LINGO1: variants seen among roughly 807,000 people sequenced by gnomAD.
LINGO1 encodes the protein leucine rich repeat and Ig domain containing 1.
In LINGO1, 11 loss-of-function variants were observed where a neutral mutation model predicts 37.3. The ratio of observed to expected loss-of-function variants is 0.29; its 90% CI spans 0.19 to 0.49. The LOEUF (loss-of-function observed/expected upper bound fraction) is 0.49. Ranked by LOEUF, LINGO1 falls within the 20% of genes least tolerant of loss-of-function variation. The pLI, the probability that LINGO1 is intolerant of heterozygous loss-of-function variation, is 0.99. For synonymous variants in LINGO1, 387 were observed against 403.0 expected (o/e 0.96, Z 0.48); for missense variants, 585 against 878.2 (o/e 0.67, Z 4.22).
rs138141449 is a variant in LINGO1, at chr15:77,694,259, C to T, written c.-281+2132G>A. On this transcript the variant is annotated intron_variant, in intron 1 of 3. Transcript: ENST00000559893. Reference sequence around the variant, plus strand: ...TTAGGACTTCACAGATCACAGAACGCTCCCACCGATTCTCTACCTGGATCT... The same window carrying T: ...TTAGGACTTCACAGATCACAGAACGTTCCCACCGATTCTCTACCTGGATCT... Among the ~76,000 whole-genome samples the T allele has an allele frequency of 9.2e-5, 14 of 152,142 alleles. No individual in the cohort carries two copies. The East Asian group carries it at 2.5e-3, about 27-fold the overall frequency.
intron 2 of LINGO1, among the ~76,000 whole-genome samples, chr15:77,689,828 C>G (rs756852996): frequency 6.6e-6 from 1 of 152,068 alleles, no homozygotes; most frequent in African/African-American, 2.4e-5. Context: ...AAAAAAGAAA[C>G]AAACAAAAAA....
intron 1 of LINGO1, among the ~76,000 whole-genome samples, chr15:77,750,084 G>A (rs918542936): frequency 6.6e-6 from 1 of 152,024 alleles, no homozygotes; most frequent in African/African-American, 2.4e-5. Flanking sequence ...ACCCACCCCT[G>A]GGGCTGAGTG....
chr15:77,641,031 A>G (rs533540824), intron 3 of LINGO1, among the ~76,000 whole-genome samples: 24 of 152,314 alleles, frequency 1.6e-4, no homozygotes, highest in African/African-American at 4.8e-4. Context: ...CTGAGCTGAA[A>G]TCAAAGGATG....
At chr15:77,710,369 C>T (rs920475237) in intron 2 of LINGO1, among the ~76,000 whole-genome samples, 4 of 152,238 alleles carry the variant, frequency 2.6e-5, no homozygotes, top group Admixed American at 6.5e-5. Flanking sequence ...TTGAAGTCAC[C>T]TGGTGGGACT....
At chr15:77,713,848 C>T (rs955614678) in intron 2 of LINGO1, among the ~76,000 whole-genome samples, 2 of 152,116 alleles carry the variant, frequency 1.3e-5, no homozygotes, top group African/African-American at 4.8e-5. Context: ...CCTCGCACCC[C>T]CTAGGTGTGC....
chr15:77,810,219 C>T (rs1057421349), intron 1 of LINGO1, among the ~76,000 whole-genome samples: 2 of 146,824 alleles, frequency 1.4e-5, no homozygotes, highest in Non-Finnish European at 3.0e-5. Flanking sequence ...TAGGCACACA[C>T]ACAAACATAC....
chr15:77,817,494 G>A (rs2077058042), intron 1 of LINGO1, among the ~76,000 whole-genome samples: 2 of 152,196 alleles, frequency 1.3e-5, no homozygotes. Context: ...TGAACTCCCA[G>A]AGCTGTGCAG....
intron 1 of LINGO1, among the ~76,000 whole-genome samples, chr15:77,763,406 C>A (rs776429664): frequency 6.6e-6 from 1 of 152,154 alleles, no homozygotes; most frequent in East Asian, 1.9e-4. Context: ...CCAGCCCTCA[C>A]CCATCCCCTC....
At chr15:77,749,064 C>T (rs1316308417) in intron 1 of LINGO1, among the ~76,000 whole-genome samples, 3 of 151,686 alleles carry the variant, frequency 2.0e-5, no homozygotes, top group Non-Finnish European at 4.4e-5. Flanking sequence ...CACACTACCA[C>T]GCCCGGCTAA....
chr15:77,750,174 T>A (rs1305223145), intron 1 of LINGO1, among the ~76,000 whole-genome samples: 2 of 150,170 alleles, frequency 1.3e-5, no homozygotes, highest in African/African-American at 4.9e-5. Context: ...CCTTCCTCAC[T>A]GCCCTCAGTA....
At chr15:77,621,707 CGG>C (rs950498436) in intron 1 of LINGO1, among the ~76,000 whole-genome samples, 7 of 152,194 alleles carry the variant, frequency 4.6e-5, no homozygotes, top group Non-Finnish European at 1.0e-4. Context: ...TTCCAGAAAA[CGG>C]GGTGTTACAC....
At chr15:77,673,393 TC>T (rs1294351484) in intron 3 of LINGO1, among the ~76,000 whole-genome samples, 2 of 151,418 alleles carry the variant, frequency 1.3e-5, no homozygotes, top group Non-Finnish European at 2.9e-5. Flanking sequence ...CTCTTGCAAA[TC>T]AATAAGATGC....
chr15:77,629,959 C>T (rs2074204140), intron 1 of LINGO1, among the ~76,000 whole-genome samples: 1 of 151,872 alleles, frequency 6.6e-6, no homozygotes, highest in African/African-American at 2.4e-5. Flanking sequence ...AGGAAAGGAC[C>T]TTTTGTGAGG....
At chr15:77,675,723 T>C (rs951515589) in intron 3 of LINGO1, among the ~76,000 whole-genome samples, 2 of 152,066 alleles carry the variant, frequency 1.3e-5, no homozygotes, top group African/African-American at 2.4e-5. Flanking sequence ...GATACATACA[T>C]AGATAATAGG....
intron 1 of LINGO1, chr15:77,784,896 A>G (rs974819495): frequency 2.0e-4 from 30 of 151,978 alleles, no homozygotes; most frequent in Admixed American, 6.5e-5. Context: ...CCTCCCTAAG[A>G]GAGGCAAAGC....
Position 77,773,924 on chromosome 15 carries a change from C to T in LINGO1, c.-257+12945G>A, listed in dbSNP as rs76175174. On this transcript the variant is annotated intron_variant, in intron 1 of 3. Coordinates refer to the LINGO1 transcript ENST00000561686. ...CCCCTCAGGCTCCTGCTGGTCCCCA[C>T]AAACAACATCTCTCCTCAGTCCCAC... Among the ~76,000 whole-genome samples, 66 of 152,238 alleles carry T rather than the reference C, an allele frequency of 4.3e-4. No individual in the cohort carries two copies. In the East Asian group the frequency reaches 0.011, roughly 25 times the overall value.
At chr15:77,725,870 G>A (rs970756246) in intron 2 of LINGO1, among the ~76,000 whole-genome samples, 50 of 152,180 alleles carry the variant, frequency 3.3e-4, no homozygotes, top group African/African-American at 1.1e-3. Flanking sequence ...AGCATAGCAC[G>A]CCCAGGGAGC....
upstream of LINGO1, among the ~76,000 whole-genome samples, chr15:77,791,835 G>C (rs940927887): frequency 1.3e-5 from 2 of 152,088 alleles, 1 homozygote; most frequent in East Asian, 3.9e-4. Context: ...CACTTGGGAG[G>C]AGCAGCTGGG....
intron 2 of LINGO1, among the ~76,000 whole-genome samples, chr15:77,688,224 G>C (rs914933269): frequency 6.6e-6 from 1 of 152,170 alleles, no homozygotes; most frequent in Non-Finnish European, 1.5e-5. Flanking sequence ...ACCTGCCCCC[G>C]AGCCTCCCAA....
Sources: gnomAD v4.1 joint callset for allele counts (sites outside exome capture counted in the v4.1 genomes callset) on GRCh38, gnomAD v4.1.1 for gene constraint, MANE v1.5 for transcripts, NCBI Gene and HGNC (gene_info 2026-07-23, HGNC 2026-07-21) for gene names.